PACRG: variants seen among roughly 807,000 people sequenced by gnomAD.
The protein encoded by PACRG is parkin coregulated, also known as parkin coregulated gene protein.
Under a neutral mutation model 29.7 loss-of-function variants are expected in PACRG, and 29 were observed. The ratio of observed to expected loss-of-function variants is 0.98; its 90% CI spans 0.73 to 1.33. PACRG has a LOEUF of 1.33. PACRG is among the 40% of genes most tolerant of loss of function. PACRG has a pLI of 0.00. For missense variants in PACRG, 279 were observed against 316.2 expected, an observed-to-expected ratio of 0.88 and a Z score of 0.89; for synonymous variants, 116 against 118.7, an observed-to-expected ratio of 0.98 and a Z score of 0.15.
chr6:162,775,975 T>C (rs1293308788), intron 1 of PACRG, among the ~76,000 whole-genome samples: 1 of 152,166 alleles, frequency 6.6e-6, no homozygotes, highest in Non-Finnish European at 1.5e-5. Context: ...GAAGCTGATA[T>C]AACTTGGGAA....
intron 4 of PACRG, among the ~76,000 whole-genome samples, chr6:163,225,750 T>C (rs1161308627): frequency 1.3e-5 from 2 of 152,224 alleles, no homozygotes; most frequent in African/African-American, 4.8e-5. Context: ...GTTGAAGAGA[T>C]ACTGCACTTT....
chr6:162,761,964 C>T (rs1451210998), intron 1 of PACRG, among the ~76,000 whole-genome samples: 2 of 146,286 alleles, frequency 1.4e-5, no homozygotes, highest in Non-Finnish European at 3.0e-5. Flanking sequence ...AAACCCCCCC[C>T]CAAAAAAAAA....
At chr6:162,808,845 A>G (rs1786587210) in intron 1 of PACRG, among the ~76,000 whole-genome samples, 1 of 152,164 alleles carries the variant, frequency 6.6e-6, no homozygotes, top group Non-Finnish European at 1.5e-5. Context: ...TAAAATTCTT[A>G]AAACATGAAA....
At chr6:162,966,768 A>G (rs9458695) in intron 2 of PACRG, among the ~76,000 whole-genome samples, 23,560 of 149,022 alleles carry the variant, frequency 0.16, 3,194 homozygotes, top group African/African-American at 0.37. Flanking sequence ...GAGCCCCCGC[A>G]CCCGGCCCCG....
In PACRG at chr6:163,276,320, G is replaced by T. The variant is rs9458771; in HGVS notation, c.614-38507G>T. On this transcript the variant is annotated intron_variant, in intron 4 of 4. Transcript: ENST00000366888. ...TGGAATTACAGGCATGAGCCACTGAGCCTGGCCTTAAAATAGGGTATTACT... is the reference window on the plus strand; with the variant it reads ...TGGAATTACAGGCATGAGCCACTGATCCTGGCCTTAAAATAGGGTATTACT... 6.9e-3 allele frequency among the ~76,000 whole-genome samples: 1,054 copies of T among 152,242 alleles called. 14 individuals carry two copies. Among genetic ancestry groups the T allele is most frequent in the African/African-American group, 0.024 (986 of 41,530 alleles).
At chr6:163,164,414 G>C (rs1778703580) in intron 4 of PACRG, among the ~76,000 whole-genome samples, 1 of 152,156 alleles carries the variant, frequency 6.6e-6, no homozygotes, top group Non-Finnish European at 1.5e-5. Context: ...GCCAAAGTGT[G>C]AATTTTCTCC....
chr6:163,158,040 C>T (rs1778393701), intron 4 of PACRG, among the ~76,000 whole-genome samples: 1 of 152,136 alleles, frequency 6.6e-6, no homozygotes, highest in African/African-American at 2.4e-5. Flanking sequence ...TGTGTAGACC[C>T]TTATGGATAA....
chr6:163,032,540 G>A (rs1474571447), intron 2 of PACRG, among the ~76,000 whole-genome samples: 1 of 152,076 alleles, frequency 6.6e-6, no homozygotes, highest in African/African-American at 2.4e-5. Context: ...TTACCTTTGT[G>A]GCATACAATA....
At chr6:163,148,965 G>GT (rs1438076736) in intron 4 of PACRG, among the ~76,000 whole-genome samples, 4 of 62,532 alleles carry the variant, frequency 6.4e-5, no homozygotes, top group Non-Finnish European at 1.4e-4. Flanking sequence ...CTATGGCGGG[G>GT]GGGGGGGGGG....
intron 4 of PACRG, among the ~76,000 whole-genome samples, chr6:163,204,299 G>A (rs1433499492): frequency 1.3e-5 from 2 of 152,052 alleles, no homozygotes; most frequent in South Asian, 2.1e-4. Context: ...AGACTATTGG[G>A]GCTTCAAGTC....
At chr6:163,279,727 A>G (rs144759537) in intron 4 of PACRG, among the ~76,000 whole-genome samples, 1,698 of 150,974 alleles carry the variant, frequency 0.011, 34 homozygotes, top group African/African-American at 0.04. Flanking sequence ...AATTTTCACT[A>G]CTCTTTCCTG....
rs57296797 is a variant in PACRG, at chr6:163,269,867, G to GAA, written c.614-44959_614-44958insAA. 7.0e-5 allele frequency among the ~76,000 whole-genome samples: 4 copies of GAA among 56,740 alleles called. 1 individual carries two copies. Among genetic ancestry groups the GAA allele is most frequent in the Non-Finnish European group, 1.4e-4 (4 of 29,314 alleles). The allele number at this position is 56,740 out of a possible 152,430, so 37.2% of individuals were successfully genotyped here. On this transcript the variant is annotated intron_variant, in intron 4 of 4. Coordinates refer to ENST00000366888, the MANE Select transcript of PACRG (RefSeq NM_001080379.2). ...AAAGAAAGAAAGAAAGAGAAAGAAA[G>GAA]AGAAAGAAAGAAAGAAAGAAAGAAA...
intron 2 of PACRG, among the ~76,000 whole-genome samples, chr6:162,834,728 T>C (rs560082429): frequency 1.7e-4 from 26 of 152,138 alleles, no homozygotes; most frequent in African/African-American, 5.3e-4. Flanking sequence ...GATTCTATTA[T>C]ATTTCCATCC....
intron 4 of PACRG, among the ~76,000 whole-genome samples, chr6:163,206,069 G>A (rs762302313): frequency 1.2e-4 from 18 of 152,186 alleles, no homozygotes; most frequent in Non-Finnish European, 2.1e-4. Flanking sequence ...AACAGATGCT[G>A]ACAAGGTTGC....
At chr6:163,208,507 A>G (rs2128153190) in intron 4 of PACRG, among the ~76,000 whole-genome samples, 1 of 152,316 alleles carries the variant, frequency 6.6e-6, no homozygotes, top group African/African-American at 2.4e-5. Context: ...GTCCAGAAAT[A>G]AAATAACAAA....
chr6:162,757,611 G>A (rs1269570954), intron 1 of PACRG, among the ~76,000 whole-genome samples: 1 of 152,156 alleles, frequency 6.6e-6, no homozygotes, highest in Non-Finnish European at 1.5e-5. Flanking sequence ...GGGAGGCTGA[G>A]GCAGGAGAAT....
chr6:163,232,059 C>T (rs1782065190), intron 4 of PACRG, among the ~76,000 whole-genome samples: 1 of 152,214 alleles, frequency 6.6e-6, no homozygotes, highest in African/African-American at 2.4e-5. Flanking sequence ...TTGAAGTGGG[C>T]ACTGACTTGC....
At chr6:163,303,203 GGTCCCA>G (rs965626140) in intron 4 of PACRG, among the ~76,000 whole-genome samples, 1 of 152,058 alleles carries the variant, frequency 6.6e-6, no homozygotes, top group African/African-American at 2.4e-5. Flanking sequence ...GGTAGTGCGT[GGTCCCA>G]GCTACTCGGG....
At chr6:163,099,784 G>A (rs1814920675) in intron 4 of PACRG, among the ~76,000 whole-genome samples, 1 of 152,178 alleles carries the variant, frequency 6.6e-6, no homozygotes, top group South Asian at 2.1e-4. Context: ...AAGCTTGACT[G>A]GATGGAGGAG....
Sources: allele counts gnomAD v4.1 joint callset (sites outside exome capture counted in the v4.1 genomes callset), GRCh38; gene constraint gnomAD v4.1.1; transcripts MANE v1.5; gene names NCBI Gene and HGNC (gene_info 2026-07-23, HGNC 2026-07-21).